TNS1: variants seen among roughly 807,000 people sequenced by gnomAD.
TNS1 encodes the protein tensin-1.
In TNS1, 62 loss-of-function variants were observed where a neutral mutation model predicts 168.6. That is an observed-to-expected ratio of 0.37 (90% CI 0.30 to 0.45). The LOEUF (loss-of-function observed/expected upper bound fraction) is 0.45. TNS1 is among the 20% of genes least tolerant of loss of function. The pLI is 1.00. For missense variants in TNS1, 2,240 were observed against 2,339.4 expected (o/e 0.96, Z 0.88); for synonymous variants, 934 against 933.2 (o/e 1.00, Z -0.02).
chr2:217,909,737 C>T (rs2125806553), intron 4 of TNS1, among the ~76,000 whole-genome samples: 1 of 152,288 alleles, frequency 6.6e-6, no homozygotes, highest in East Asian at 1.9e-4. Context: ...AACTCCAACT[C>T]GGAATCAGCT....
At chr2:217,956,429 C>CGCAGAAGAGTCAG (rs1553620207) in intron 3 of TNS1, among the ~76,000 whole-genome samples, 6 of 151,288 alleles carry the variant, frequency 4.0e-5, no homozygotes, top group Non-Finnish European at 5.9e-5. Context: ...GTAACAAGGA[C>CGCAGAAGAGTCAG]GCAGAAAAGA....
rs1416347865 is a variant in TNS1 at position 217,880,004 on chromosome 2, C to A, written c.1429+894G>T. ...CTGGGAAGGGTCTCAGTCACCCCAA[C>A]TGAACACAGATGGGTGATGGGCTGG... On this transcript the variant is annotated intron_variant, in intron 18 of 32. Coordinates refer to ENST00000682258, the MANE Select transcript of TNS1 (RefSeq NM_001387777.1). The surrounding 1 kb of genome is among the most constrained non-coding windows in gnomAD (Gnocchi z 4.2). Among the ~76,000 whole-genome samples, 1 of 152,218 alleles carries A rather than the reference C, an allele frequency of 6.6e-6. No homozygotes were observed. The highest frequency in any genetic ancestry group is 2.4e-5 in the African/African-American group (1 of 41,462).
chr2:217,987,607 C>T (rs964619286), intron 2 of TNS1, among the ~76,000 whole-genome samples: 1 of 152,228 alleles, frequency 6.6e-6, no homozygotes, highest in Non-Finnish European at 1.5e-5. Context: ...CTCACTGCCC[C>T]CTGCCTCCAG....
chr2:217,913,234 T>C (rs1298212399), intron 4 of TNS1, among the ~76,000 whole-genome samples: 1 of 152,102 alleles, frequency 6.6e-6, no homozygotes, highest in Non-Finnish European at 1.5e-5. Context: ...AGGAAAAGAA[T>C]AGGCTCCATG....
At chr2:217,922,315 G>A (rs992623705) in intron 3 of TNS1, among the ~76,000 whole-genome samples, 1 of 152,234 alleles carries the variant, frequency 6.6e-6, no homozygotes, top group East Asian at 1.9e-4. Flanking sequence ...AGTTTTCAAG[G>A]TCAGGGGCCA....
intron 6 of TNS1, 187 bp from the exon 7 acceptor site, chr2:217,900,699 C>A: frequency 1.6e-6 from 1 of 637,224 alleles, no homozygotes. Flanking sequence ...ACTGATTCCA[C>A]GTGAGTGTGC....
At chr2:217,862,884 C>T (rs1948912967) in intron 18 of TNS1, among the ~76,000 whole-genome samples, 1 of 152,228 alleles carries the variant, frequency 6.6e-6, no homozygotes, top group African/African-American at 2.4e-5. Context: ...GACAATTCTA[C>T]AATGAAGACA....
chr2:217,871,405 G>A (rs1203510562), intron 18 of TNS1, among the ~76,000 whole-genome samples: 1 of 152,074 alleles, frequency 6.6e-6, no homozygotes, highest in East Asian at 1.9e-4. Context: ...CGAATCTCAG[G>A]CTCTCAGCAC....
At chr2:217,949,710 A>G (rs919691797) in intron 3 of TNS1, among the ~76,000 whole-genome samples, 2 of 152,024 alleles carry the variant, frequency 1.3e-5, no homozygotes, top group Non-Finnish European at 2.9e-5. Flanking sequence ...TACAACTTAG[A>G]AGGGAGGCTT....
intron 6 of TNS1, among the ~76,000 whole-genome samples, chr2:217,904,154 C>A (rs1040975674): frequency 6.6e-6 from 1 of 152,132 alleles, no homozygotes; most frequent in African/African-American, 2.4e-5. Flanking sequence ...CCACATAGCA[C>A]CCCCTTCAGC....
At chr2:217,939,221 G>A (rs1956787019) in intron 3 of TNS1, among the ~76,000 whole-genome samples, 1 of 152,174 alleles carries the variant, frequency 6.6e-6, no homozygotes, top group South Asian at 2.1e-4. Context: ...GTCACTTGCT[G>A]AGACCACAGC....
In TNS1 at chr2:217,818,050, C is replaced by T; in HGVS notation, c.4282G>A (p.Gly1428Ser). Residue 1428 changes from glycine to serine, a missense_variant, in exon 24 of 33, where the codon GGT (glycine) becomes AGT (serine). By Grantham distance (56) the Gly-to-Ser change is moderately conservative. Coordinates refer to ENST00000682258, the MANE Select transcript of TNS1 (RefSeq NM_001387777.1). The part of the protein sequence containing the change: ...SPCLDRHVAY[G>S]GYSTPEDRRP... ...CGATCCTCCGGGGTAGAATAGCCAC[C>T]ATAGGCCACATGCCGGTCCAAGCAG... The T allele has an allele frequency of 6.2e-7, 1 of 1,608,592 alleles. No homozygotes were observed. The highest frequency in any genetic ancestry group is 8.5e-7 in the Non-Finnish European group (1 of 1,177,500).
intron 4 of TNS1, among the ~76,000 whole-genome samples, chr2:217,909,105 C>G (rs926680033): frequency 6.6e-6 from 1 of 150,642 alleles, no homozygotes; most frequent in African/African-American, 2.4e-5. Context: ...CACACCCCCT[C>G]CCCGCTAAAG....
At chr2:217,852,343 C>T (rs1462662663) in intron 18 of TNS1, among the ~76,000 whole-genome samples, 1 of 152,186 alleles carries the variant, frequency 6.6e-6, no homozygotes, top group African/African-American at 2.4e-5. Context: ...CAGGGCACCC[C>T]CTCTGCCACC....
At position 217,892,838 on chromosome 2, in the gene TNS1, C is replaced by T. The variant is rs141588447; in HGVS notation, c.782+110G>A. 2.2e-4 allele frequency: 281 copies of T among 1,259,338 alleles called. No individual in the cohort carries two copies. In the African/African-American group the frequency reaches 3.8e-3, roughly 17 times the overall value. The allele number at this position is 1,259,338 out of a possible 1,614,324, so 78.0% of individuals were successfully genotyped here. ...CCCCCGTCCTCATCGCTTCTCATTC[C>T]CTCTGTGCGTATCCCCTCACTCCAG... On this transcript the variant is annotated intron_variant, in intron 11 of 32. Transcript: ENST00000682258.
chr2:217,864,221 C>T (rs1949054165), intron 18 of TNS1, among the ~76,000 whole-genome samples: 1 of 152,164 alleles, frequency 6.6e-6, no homozygotes, highest in Non-Finnish European at 1.5e-5. Flanking sequence ...GCTCCCAGGA[C>T]GTGGACACCA....
At chr2:217,969,610 T>C (rs1957729533) in intron 3 of TNS1, among the ~76,000 whole-genome samples, 1 of 152,162 alleles carries the variant, frequency 6.6e-6, no homozygotes, top group African/African-American at 2.4e-5. Flanking sequence ...ACCCAATTTT[T>C]TAAATGAACA....
At chr2:217,947,696 G>A (rs950755768) in intron 3 of TNS1, among the ~76,000 whole-genome samples, 2 of 152,174 alleles carry the variant, frequency 1.3e-5, no homozygotes, top group Non-Finnish European at 2.9e-5. Flanking sequence ...GAAGAAAGGC[G>A]AGGAGAAAGT....
chr2:217,835,311 G>A (rs1261350890), intron 20 of TNS1, 145 bp from the exon 21 acceptor site: 21 of 703,480 alleles, frequency 3.0e-5, no homozygotes, highest in Non-Finnish European at 4.4e-5. Context: ...CTCAGGGCAG[G>A]AGACAGGTCC....
Sources: gnomAD v4.1 joint callset for allele counts (sites outside exome capture counted in the v4.1 genomes callset) on GRCh38, gnomAD v4.1.1 for gene constraint, Gnocchi (gnomAD v3.1) non-coding constraint, MANE v1.5 for transcripts, NCBI Gene and HGNC (gene_info 2026-07-23, HGNC 2026-07-21) for gene names.